TRIM36: variants seen among roughly 807,000 people sequenced by gnomAD.
The protein encoded by TRIM36 is tripartite motif containing 36.
TRIM36 carries 42 observed loss-of-function variants against 72.4 expected under a neutral mutation model. The observed-to-expected ratio is 0.58, with a 90% CI of 0.45 to 0.75. The LOEUF (loss-of-function observed/expected upper bound fraction) is 0.75, where lower values mean the gene tolerates loss of function less well. Among genes scored for constraint, TRIM36 ranks in the 30% least tolerant of loss-of-function variants. The probability of loss-of-function intolerance (pLI) is 0.00; values close to 1 mark genes in which losing one functional copy is unlikely to be tolerated. For missense variants in TRIM36, 913 were observed against 857.1 expected (o/e 1.07, Z -0.81); for synonymous variants, 315 against 282.8 (o/e 1.11, Z -1.14).
chr5:115,128,792 A>C (rs1239376250), intron 9 of TRIM36, among the ~76,000 whole-genome samples: 2 of 146,430 alleles, frequency 1.4e-5, no homozygotes, highest in Non-Finnish European at 3.0e-5. Context: ...AAAAAAATTG[A>C]AAGTTTATAA....
At chr5:115,158,694 T>A (rs1301962096) in intron 2 of TRIM36, among the ~76,000 whole-genome samples, 1 of 152,240 alleles carries the variant, frequency 6.6e-6, no homozygotes, top group African/African-American at 2.4e-5. Flanking sequence ...TTTTGGGTAT[T>A]ATATCAGCAT....
At position 115,126,694 on chromosome 5, in the gene TRIM36, T is replaced by C; in HGVS notation, c.1960A>G (p.Ile654Val). 2 of 1,614,202 alleles carry C rather than the reference T, an allele frequency of 1.2e-6. No individual in the cohort carries two copies. Among genetic ancestry groups the C allele is most frequent in the Non-Finnish European group, 1.7e-6 (2 of 1,180,032 alleles). ...TTATCACAGTCAAGGAAAATCCCAA[T>C]ACTTGTTGGCATAGGGAGAACTCTA... ...ENRVLPMPTS[I>V]GIFLDCDKGK... The change falls in exon 10 of 10, where the codon ATT (isoleucine) becomes GTT (valine). Residue 654 changes from isoleucine (I) to valine (V), a missense_variant. Ile to Val is a conservative substitution (Grantham distance 29). Coordinates refer to ENST00000513154, the MANE Select transcript of TRIM36 (RefSeq NM_001300759.2).
At position 115,126,595 on chromosome 5, in the gene TRIM36, G is replaced by C. The variant is rs761374482; in HGVS notation, c.2059C>G (p.Leu687Val). 1.2e-6 allele frequency: 2 copies of C among 1,614,164 alleles called. No homozygotes were observed. Among genetic ancestry groups the C allele is most frequent in the Admixed American group, 3.3e-5 (2 of 60,016 alleles). Reference sequence around the variant, plus strand: ...CCCATTAATGCAAATGCTGGATACAGTGTATGTGAACAGTCCACTTGGCGT... The same window carrying C: ...CCCATTAATGCAAATGCTGGATACACTGTATGTGAACAGTCCACTTGGCGT... Reference protein sequence around the residue: ...YERQVDCSHTLYPAFALMGSG... With the variant: ...YERQVDCSHTVYPAFALMGSG... The change falls in exon 10 of 10, where the codon CTG becomes GTG. Residue 687 changes from leucine to valine, a missense_variant. Physicochemically the swap from Leu to Val is conservative, Grantham distance 32. Coordinates refer to ENST00000513154, the MANE Select transcript of TRIM36 (RefSeq NM_001300759.2).
Position 115,144,837 on chromosome 5 carries a change from C to CTT in TRIM36, c.589-94_589-93insAA, listed in dbSNP as rs770165196. 148 of 1,349,146 alleles carry CTT rather than the reference C, an allele frequency of 1.1e-4. 1 individual carries two copies. Among genetic ancestry groups the CTT allele is most frequent in the Non-Finnish European group, 1.4e-4 (141 of 998,798 alleles). 83.6% of individuals were successfully genotyped at this position (1,349,146 alleles called of 1,614,324 possible). Reference sequence around the variant, plus strand: ...TACAAAGATTTGCCTTATAAAATCACTAAATAAAGCCATTTAAGTGAATAT... The same window carrying CTT: ...TACAAAGATTTGCCTTATAAAATCACTTTAAATAAAGCCATTTAAGTGAATAT... On this transcript the variant is annotated intron_variant, in intron 3 of 9. Coordinates refer to ENST00000513154, the MANE Select transcript of TRIM36 (RefSeq NM_001300759.2).
At chr5:115,136,184 G>C (rs1171484255) in intron 7 of TRIM36, among the ~76,000 whole-genome samples, 1 of 151,376 alleles carries the variant, frequency 6.6e-6, no homozygotes, top group Non-Finnish European at 1.5e-5. Context: ...GAATGTGACT[G>C]TATTTTAAAA....
At chr5:115,160,697 A>T (rs998271069) in intron 2 of TRIM36, among the ~76,000 whole-genome samples, 1 of 152,150 alleles carries the variant, frequency 6.6e-6, no homozygotes, top group African/African-American at 2.4e-5. Context: ...TTTAATTAGC[A>T]GGGTGCGAGT....
chr5:115,146,949 A>G (rs1753626791), intron 3 of TRIM36, 120 bp downstream of exon 3: 1 of 1,097,454 alleles, frequency 9.1e-7, no homozygotes. Flanking sequence ...ACCTGCTTTT[A>G]AAGTTATTTC....
chr5:115,159,006 C>T (rs1490542652), intron 2 of TRIM36, among the ~76,000 whole-genome samples: 2 of 152,138 alleles, frequency 1.3e-5, no homozygotes, highest in African/African-American at 4.8e-5. Flanking sequence ...AAAAAGCAGT[C>T]AATGTTATTT....
chr5:115,178,207 T>C (rs1755433295), intron 1 of TRIM36, among the ~76,000 whole-genome samples: 1 of 152,214 alleles, frequency 6.6e-6, no homozygotes, highest in African/African-American at 2.4e-5. Context: ...ACTAATACAA[T>C]TCTGGCTTAC....
intron 7 of TRIM36, among the ~76,000 whole-genome samples, chr5:115,136,551 A>G (rs1214833758): frequency 6.6e-6 from 1 of 152,024 alleles, no homozygotes; most frequent in Non-Finnish European, 1.5e-5. Context: ...TGTCCAAGAA[A>G]CTCACATACA....
At chr5:115,174,263 T>C (rs1344508863), upstream of TRIM36, 2 of 152,114 alleles carry the variant, frequency 1.3e-5, no homozygotes, top group African/African-American at 2.4e-5. Context: ...TGGTATATAC[T>C]AAACAAGAAA....
Position 115,133,985 on chromosome 5 carries a change from C to T in TRIM36, c.1373G>A (p.Gly458Glu), listed in dbSNP as rs149300775. The T allele has an allele frequency of 2.2e-5, 35 of 1,613,750 alleles. No individual in the cohort carries two copies. The African/African-American group carries it at 3.7e-4, about 17-fold the overall frequency. Residue 458 changes from glycine (G) to glutamate (E), a missense_variant, in exon 8 of 10, where the codon GGA (glycine) becomes GAA (glutamate). By Grantham distance (98) the Gly-to-Glu change is moderately conservative. Transcript: ENST00000513154. ...CAAGTCTTGAATTATTTTACTTGTT[C>T]CACACACTTCTATCTCATTCCATGA... ...EMSWNEIEVC[G>E]TSKIIQDLEN...
chr5:115,131,278 T>C (rs996815193), intron 8 of TRIM36, among the ~76,000 whole-genome samples: 5 of 152,190 alleles, frequency 3.3e-5, no homozygotes, highest in Non-Finnish European at 5.9e-5. Context: ...CATTTTCTTA[T>C]TGAAAGTTTT....
rs1165299557 is a variant in TRIM36 at position 115,134,132 on chromosome 5, T to C, written c.1226A>G (p.Glu409Gly). ...AACTTTGCTCTGTTCCTCATTGATC[T>C]CTGGCACGTCTATGCCTGAAAGAAT... ...SFFSSGIDVP[E>G]INEEQSKVYN... is the part of the protein sequence containing the mutation. The change falls in exon 8 of 10, where the codon GAG becomes GGG. Residue 409 changes from glutamate to glycine, a missense_variant. By Grantham distance (98) the Glu-to-Gly change is moderately conservative. Transcript: ENST00000513154. 1.3e-6 allele frequency: 2 copies of C among 1,592,662 alleles called. No individual in the cohort carries two copies. Among genetic ancestry groups the C allele is most frequent in the Non-Finnish European group, 1.7e-6 (2 of 1,169,636 alleles).
intron 8 of TRIM36, among the ~76,000 whole-genome samples, chr5:115,132,002 C>A (rs968423898): frequency 1.3e-5 from 2 of 152,082 alleles, no homozygotes; most frequent in Non-Finnish European, 2.9e-5. Flanking sequence ...GAGCTGTATA[C>A]TTAAAAACTG....
At chr5:115,154,497 A>C (rs1260619329) in intron 2 of TRIM36, among the ~76,000 whole-genome samples, 3 of 152,244 alleles carry the variant, frequency 2.0e-5, no homozygotes, top group Non-Finnish European at 2.9e-5. Context: ...GAAATGAATC[A>C]GGAGATACTA....
At chr5:115,169,305 C>G (rs529498978) in intron 1 of TRIM36, among the ~76,000 whole-genome samples, 2 of 152,250 alleles carry the variant, frequency 1.3e-5, no homozygotes, top group Non-Finnish European at 2.9e-5. Context: ...ATTCTACAGC[C>G]TGAGCTCCAT....
intron 3 of TRIM36, among the ~76,000 whole-genome samples, chr5:115,145,904 T>C (rs980028489): frequency 6.6e-6 from 1 of 152,358 alleles, no homozygotes; most frequent in East Asian, 1.9e-4. Context: ...CTCAACGTTA[T>C]AGGCAAATAT....
At position 115,133,942 on chromosome 5, in the gene TRIM36, A is replaced by G. The variant is rs1167618436; in HGVS notation, c.1416T>C (p.Tyr472=). 1.9e-6 allele frequency: 3 copies of G among 1,613,796 alleles called. No homozygotes were observed. Among genetic ancestry groups the G allele is most frequent in the African/African-American group, 1.3e-5 (1 of 75,048 alleles). Residue 472 remains tyrosine (Y), a synonymous_variant, in exon 8 of 10, where the codon TAT becomes TAC. Transcript: ENST00000513154. Reference sequence around the variant, plus strand: ...CCTTGTAAGCTCTTACTCTGAAAGCATAGGTACTACTGTTTTCCAAGTCTT... The same window carrying G: ...CCTTGTAAGCTCTTACTCTGAAAGCGTAGGTACTACTGTTTTCCAAGTCTT... The part of the protein sequence containing the change: ...IIQDLENSST[Y]AFRVRAYKGS...
Sources: allele counts gnomAD v4.1 joint callset (sites outside exome capture counted in the v4.1 genomes callset), GRCh38; gene constraint gnomAD v4.1.1; transcripts MANE v1.5; gene names NCBI Gene and HGNC (gene_info 2026-07-23, HGNC 2026-07-21).